Variants in NSMCE2 observed in about 807,000 individuals in gnomAD.
The protein encoded by NSMCE2 is NSE2 SUMO ligase component of SMC5/6 complex.
Under a neutral mutation model 23.8 loss-of-function variants are expected in NSMCE2, and 24 were observed. The observed-to-expected ratio is 1.01, with a 90% CI of 0.73 to 1.42. The LOEUF (loss-of-function observed/expected upper bound fraction) is 1.42. Ranked by LOEUF, NSMCE2 falls within the 40% of genes most tolerant of loss-of-function variation. The probability of loss-of-function intolerance (pLI) is 0.00; values close to 1 mark genes in which losing one functional copy is unlikely to be tolerated. For missense variants in NSMCE2, 284 were observed against 296.5 expected (o/e 0.96, Z 0.31); for synonymous variants, 92 against 94.1 (o/e 0.98, Z 0.13).
chr8:125,113,292 A>G (rs1459413893), intron 3 of NSMCE2, among the ~76,000 whole-genome samples: 2 of 152,040 alleles, frequency 1.3e-5, no homozygotes, highest in Non-Finnish European at 2.9e-5. Context: ...GTTTGAGACC[A>G]CTCTGCACAA....
At chr8:125,249,353 G>A (rs972314453) in intron 5 of NSMCE2, among the ~76,000 whole-genome samples, 7 of 152,174 alleles carry the variant, frequency 4.6e-5, no homozygotes, top group Admixed American at 2.0e-4. Context: ...TTGGATGATA[G>A]CATCCCCACA....
At chr8:125,135,426 T>C (rs1028434616) in intron 3 of NSMCE2, among the ~76,000 whole-genome samples, 1 of 152,190 alleles carries the variant, frequency 6.6e-6, no homozygotes, top group African/African-American at 2.4e-5. Context: ...TCTTGTGGAT[T>C]GTGCTTTGCT....
intron 5 of NSMCE2, among the ~76,000 whole-genome samples, chr8:125,193,854 AG>A (rs1345811129): frequency 2.0e-5 from 3 of 152,160 alleles, no homozygotes; most frequent in Non-Finnish European, 2.9e-5. Context: ...AGTGAGAAGC[AG>A]CCTCATAATT....
At chr8:125,327,824 C>A (rs1171930268) in intron 5 of NSMCE2, among the ~76,000 whole-genome samples, 2 of 152,050 alleles carry the variant, frequency 1.3e-5, no homozygotes, top group Admixed American at 6.6e-5. Flanking sequence ...TATTAGGTAA[C>A]TAATTACCAT....
chr8:125,340,536 C>G (rs1387163519), intron 5 of NSMCE2, among the ~76,000 whole-genome samples: 2 of 152,094 alleles, frequency 1.3e-5, no homozygotes, highest in African/African-American at 4.8e-5. Flanking sequence ...CTTGTTCCTG[C>G]TTTGCCATTT....
intron 5 of NSMCE2, among the ~76,000 whole-genome samples, chr8:125,282,643 A>G (rs945220344): frequency 6.6e-6 from 1 of 152,260 alleles, no homozygotes; most frequent in Non-Finnish European, 1.5e-5. Flanking sequence ...GACTGTGTCA[A>G]TGAAGAGTTG....
At chr8:125,254,182 A>G (rs982259916) in intron 5 of NSMCE2, among the ~76,000 whole-genome samples, 5 of 152,202 alleles carry the variant, frequency 3.3e-5, no homozygotes, top group Non-Finnish European at 7.3e-5. Context: ...TCAAACTCTA[A>G]TATCTCTATT....
At chr8:125,135,944 C>T (rs191696389) in intron 3 of NSMCE2, among the ~76,000 whole-genome samples, 4 of 152,118 alleles carry the variant, frequency 2.6e-5, no homozygotes, top group Middle Eastern at 3.2e-3. Flanking sequence ...ACAGAGAAGT[C>T]GGCCAAGGTT....
At chr8:125,174,799 C>T (rs923460698) in intron 4 of NSMCE2, among the ~76,000 whole-genome samples, 1 of 152,132 alleles carries the variant, frequency 6.6e-6, no homozygotes, top group Non-Finnish European at 1.5e-5. Flanking sequence ...TCGTAATGCT[C>T]AACAAGGAAG....
chr8:125,147,342 G>A (rs952407505), intron 3 of NSMCE2, among the ~76,000 whole-genome samples: 10 of 152,216 alleles, frequency 6.6e-5, no homozygotes, highest in African/African-American at 1.9e-4. Context: ...AAATATAATG[G>A]CCTTAGAAGA....
intron 5 of NSMCE2, among the ~76,000 whole-genome samples, chr8:125,231,868 CTCTT>C (rs576414550): frequency 6.4e-4 from 97 of 152,276 alleles, no homozygotes; most frequent in African/African-American, 2.2e-3. Context: ...TTTTCTTTAT[CTCTT>C]TCTTTTTAAC....
At chr8:125,182,583 G>A (rs1348621278) in intron 5 of NSMCE2, 20 of 406,316 alleles carry the variant, frequency 4.9e-5, no homozygotes, top group African/African-American at 1.5e-4. Flanking sequence ...CAATGGTATC[G>A]TTCAAGTTTT....
chr8:125,364,855 G>T (rs1813711545), intron 7 of NSMCE2, among the ~76,000 whole-genome samples: 1 of 152,202 alleles, frequency 6.6e-6, no homozygotes, highest in Non-Finnish European at 1.5e-5. Flanking sequence ...GAGGGTTATT[G>T]TGAATTGCCT....
chr8:125,228,362 C>T (rs559712628), intron 5 of NSMCE2, among the ~76,000 whole-genome samples: 1 of 152,294 alleles, frequency 6.6e-6, no homozygotes, highest in African/African-American at 2.4e-5. Flanking sequence ...AGTATGCTTT[C>T]TGCCTTCTAG....
chr8:125,309,480 C>T (rs1257703948), intron 5 of NSMCE2, among the ~76,000 whole-genome samples: 5 of 151,856 alleles, frequency 3.3e-5, no homozygotes, highest in South Asian at 4.2e-4. Flanking sequence ...CCCAGCACTT[C>T]GGGAGGCCAA....
At chr8:125,350,037 G>A (rs1276539620) in intron 5 of NSMCE2, among the ~76,000 whole-genome samples, 1 of 152,134 alleles carries the variant, frequency 6.6e-6, no homozygotes. Context: ...TGTTGGATGA[G>A]GCACTTTGCT....
chr8:125,114,979 TTTA>T (rs1818928217), intron 3 of NSMCE2, among the ~76,000 whole-genome samples: 2 of 152,230 alleles, frequency 1.3e-5, no homozygotes, highest in African/African-American at 4.8e-5. Context: ...TCCCTTATAT[TTTA>T]TGTTTCTTTA....
At position 125,182,148 on chromosome 8, in the gene NSMCE2, G is replaced by A. The variant is rs530058445; in HGVS notation, c.310G>A (p.Val104Ile). ...AAAAATACCAGATTTAAAATTATTGGTAGAGAAGAAATTTTTGGCTTTACA... is the reference window on the plus strand; with the variant it reads ...AAAAATACCAGATTTAAAATTATTGATAGAGAAGAAATTTTTGGCTTTACA... ...PEKIPDLKLL[V>I]EKKFLALQSK... Residue 104 changes from valine to isoleucine, a missense_variant, in exon 5 of 8, where the codon GTA becomes ATA. Around this residue, in one of 2 missense-constraint regions of NSMCE2, gnomAD observed 182 missense variants for 155.5 expected, o/e 1.17. Coordinates refer to ENST00000287437, the MANE Select transcript of NSMCE2 (RefSeq NM_173685.4). 6.2e-7 allele frequency: 1 copy of A among 1,603,906 alleles called. No individual in the cohort carries two copies. Among genetic ancestry groups the A allele is most frequent in the Non-Finnish European group, 8.5e-7 (1 of 1,175,782 alleles).
intron 3 of NSMCE2, among the ~76,000 whole-genome samples, chr8:125,108,533 T>C (rs1818580306): frequency 6.6e-6 from 1 of 152,248 alleles, no homozygotes; most frequent in Non-Finnish European, 1.5e-5. Flanking sequence ...TTCTAATTTC[T>C]TATCTGTGAA....
Sources: allele counts gnomAD v4.1 joint callset (sites outside exome capture counted in the v4.1 genomes callset), GRCh38; gene constraint gnomAD v4.1.1; regional missense constraint gnomAD v4.1.1; transcripts MANE v1.5; gene names NCBI Gene and HGNC (gene_info 2026-07-23, HGNC 2026-07-21).